SLMAP: variants seen among roughly 807,000 people sequenced by gnomAD.
SLMAP encodes sarcolemma associated protein.
A neutral mutation model predicts 128.8 loss-of-function variants in SLMAP; 44 were observed. The ratio of observed to expected loss-of-function variants is 0.34; its 90% CI spans 0.27 to 0.44. SLMAP has a LOEUF of 0.44. Among genes scored for constraint, SLMAP ranks in the 20% least tolerant of loss-of-function variants. SLMAP has a pLI of 1.00. For missense variants in SLMAP, 787 were observed against 985.3 expected (o/e 0.80, Z 2.69); for synonymous variants, 327 against 348.8 (o/e 0.94, Z 0.70).
At chr3:57,907,755 A>C (rs1559520113) in intron 17 of SLMAP, 129 bp from the exon 18 acceptor site, 1 of 778,186 alleles carries the variant, frequency 1.3e-6, no homozygotes, top group East Asian at 3.0e-5. Flanking sequence ...ATTTGCTTCT[A>C]AGTTTTATTT....
At chr3:57,913,639 C>T (rs17801943) in intron 21 of SLMAP, among the ~76,000 whole-genome samples, 33,657 of 151,954 alleles carry the variant, frequency 0.22, 4,774 homozygotes, top group Non-Finnish European at 0.32. Flanking sequence ...TTTTAGTAAA[C>T]GTGATCAGGA....
intron 3 of SLMAP, among the ~76,000 whole-genome samples, chr3:57,835,523 G>A (rs2093598113): frequency 6.6e-6 from 1 of 152,242 alleles, no homozygotes; most frequent in Non-Finnish European, 1.5e-5. Flanking sequence ...GAAATGCCAA[G>A]ATGAGTCAGT....
intron 2 of SLMAP, among the ~76,000 whole-genome samples, chr3:57,773,921 T>C (rs970943154): frequency 6.6e-6 from 1 of 152,218 alleles, no homozygotes; most frequent in African/African-American, 2.4e-5. Flanking sequence ...TCATTTAAAA[T>C]ACTGCAGTAA....
chr3:57,808,305 G>A (rs986691277), intron 2 of SLMAP, among the ~76,000 whole-genome samples: 3 of 151,908 alleles, frequency 2.0e-5, no homozygotes, highest in Non-Finnish European at 4.4e-5. Context: ...GCTAGCTTTT[G>A]GATTTGTTTA....
chr3:57,913,844 G>GC (rs1037069002), intron 21 of SLMAP, among the ~76,000 whole-genome samples: 1 of 152,100 alleles, frequency 6.6e-6, no homozygotes, highest in African/African-American at 2.4e-5. Flanking sequence ...TGTAGTCTTG[G>GC]CTACTTGGAA....
At chr3:57,864,750 AT>A (rs753500715) in intron 11 of SLMAP, 34 bp downstream of exon 11, 18 of 1,561,620 alleles carry the variant, frequency 1.2e-5, no homozygotes, top group South Asian at 7.3e-5. Flanking sequence ...ATTTTATTTT[AT>A]TTTTTTTCTT....
intron 17 of SLMAP, among the ~76,000 whole-genome samples, chr3:57,906,678 T>A (rs201665084): frequency 0.22 from 1,822 of 8,182 alleles, 42 homozygotes; most frequent in South Asian, 0.46. Flanking sequence ...AAAAAAAATA[T>A]ATATATATAT....
At chr3:57,794,853 A>G (rs1489016324) in intron 2 of SLMAP, among the ~76,000 whole-genome samples, 2 of 152,178 alleles carry the variant, frequency 1.3e-5, no homozygotes, top group Non-Finnish European at 2.9e-5. Context: ...TCTGTTTTCT[A>G]CTTTCGGCTG....
intron 2 of SLMAP, among the ~76,000 whole-genome samples, chr3:57,779,314 C>G (rs902415421): frequency 5.3e-5 from 8 of 151,648 alleles, no homozygotes; most frequent in Non-Finnish European, 4.4e-5. Context: ...TCAAGACCAG[C>G]CTGGGCAACA....
intron 2 of SLMAP, among the ~76,000 whole-genome samples, chr3:57,827,073 A>G (rs116028597): frequency 0.013 from 1,932 of 152,336 alleles, 28 homozygotes; most frequent in African/African-American, 0.044. Flanking sequence ...AGTATCTGCT[A>G]TCTACCTCGA....
intron 17 of SLMAP, chr3:57,898,057 T>C (rs974455016): frequency 6.6e-6 from 1 of 152,210 alleles, no homozygotes; most frequent in Non-Finnish European, 1.5e-5. Flanking sequence ...TGGAAATTTC[T>C]CTTTGTGGAA....
intron 15 of SLMAP, among the ~76,000 whole-genome samples, chr3:57,892,891 T>C (rs373970713): frequency 3.0e-4 from 44 of 145,362 alleles, no homozygotes; most frequent in African/African-American, 1.1e-3. Flanking sequence ...TGGAGTGCAG[T>C]GGCTCAATCT....
intron 2 of SLMAP, among the ~76,000 whole-genome samples, chr3:57,784,501 C>T (rs2083690113): frequency 1.3e-5 from 2 of 152,120 alleles, no homozygotes; most frequent in Non-Finnish European, 2.9e-5. Flanking sequence ...ATGCCTGTGC[C>T]TTGTGTTTTG....
intron 2 of SLMAP, among the ~76,000 whole-genome samples, chr3:57,814,475 C>T (rs1056135443): frequency 6.6e-6 from 1 of 152,098 alleles, no homozygotes; most frequent in African/African-American, 2.4e-5. Flanking sequence ...ACTGGGTTTC[C>T]AGCCCTGTTA....
intron 2 of SLMAP, among the ~76,000 whole-genome samples, chr3:57,831,086 A>G (rs1384658226): frequency 6.6e-6 from 1 of 152,158 alleles, no homozygotes; most frequent in Non-Finnish European, 1.5e-5. Context: ...ATGTATACCT[A>G]GGAGTGGAAT....
chr3:57,912,403 C>A lies in SLMAP; in HGVS notation c.1722C>A (p.Ile574=), dbSNP rs79652350. ...VLQAQLQRLH[I]DTENLREEKD... ...CAGCCCAATTGCAGAGGTTACACAT[C>A]GATACTGAGAATCTCCGGGAGGAGA... The change falls in exon 20 of 25, where the codon ATC becomes ATA. Residue 574 remains isoleucine, a synonymous_variant. Transcript: ENST00000671191. 2 of 1,612,582 alleles carry A rather than the reference C, an allele frequency of 1.2e-6. No individual in the cohort carries two copies. The highest frequency in any genetic ancestry group is 2.2e-5 in the East Asian group (1 of 44,848).
chr3:57,757,877 T>C (rs762144999), intron 2 of SLMAP, 28 bp downstream of exon 2: 2 of 1,609,236 alleles, frequency 1.2e-6, no homozygotes, highest in Non-Finnish European at 1.7e-6. Context: ...TCCAGCGGCA[T>C]TGTTTAACAA....
rs186173015 is a variant in SLMAP at position 57,925,296 on chromosome 3, A to C, written c.2446-549A>C. 2.2e-3 allele frequency among the ~76,000 whole-genome samples: 324 copies of C among 148,098 alleles called. 2 individuals carry two copies. The highest frequency in any genetic ancestry group is 0.015 in the Middle Eastern group (4 of 274). ...GCTATATTTCATTAGAATGTTAGGT[A>C]CACCCACATTGCCCATTGCCTTCAG... On this transcript the variant is annotated intron_variant, in intron 23 of 24. Coordinates refer to ENST00000671191, the MANE Select transcript of SLMAP (RefSeq NM_001377540.1).
At chr3:57,842,020 T>G (rs2093959620) in intron 4 of SLMAP, among the ~76,000 whole-genome samples, 1 of 152,206 alleles carries the variant, frequency 6.6e-6, no homozygotes, top group South Asian at 2.1e-4. Context: ...AACTTAACAT[T>G]TTTTATTTGT....
Sources: gnomAD v4.1 joint callset for allele counts (sites outside exome capture counted in the v4.1 genomes callset) on GRCh38, gnomAD v4.1.1 for gene constraint, MANE v1.5 for transcripts, NCBI Gene and HGNC (gene_info 2026-07-23, HGNC 2026-07-21) for gene names.